PIK3CB: variants seen among roughly 807,000 people sequenced by gnomAD.
The protein encoded by PIK3CB is phosphatidylinositol-4,5-bisphosphate 3-kinase catalytic subunit beta.
In PIK3CB, 39 loss-of-function variants were observed where a neutral mutation model predicts 136.8. That is an observed-to-expected ratio of 0.29 (90% CI 0.22 to 0.37). PIK3CB has a LOEUF of 0.37. Ranked by LOEUF, PIK3CB falls within the 10% of genes least tolerant of loss-of-function variation. PIK3CB has a pLI of 1.00. For synonymous variants in PIK3CB, 428 were observed against 436.6 expected (o/e 0.98, Z 0.25); for missense variants, 868 against 1,275.4 (o/e 0.68, Z 4.87).
At chr3:138,706,750 C>T (rs552200821) in intron 11 of PIK3CB, among the ~76,000 whole-genome samples, 234 of 152,264 alleles carry the variant, frequency 1.5e-3, no homozygotes, top group Non-Finnish European at 2.7e-3. Flanking sequence ...CTCCGCCTCC[C>T]GGGTTCAAGC....
chr3:138,717,978 T>C (rs987188536), intron 8 of PIK3CB, among the ~76,000 whole-genome samples: 5 of 152,232 alleles, frequency 3.3e-5, no homozygotes, highest in Non-Finnish European at 5.9e-5. Context: ...CAATTGTGAA[T>C]AGTGCTGCAA....
At chr3:138,695,475 G>A (rs770964232) in intron 13 of PIK3CB, among the ~76,000 whole-genome samples, 1 of 151,986 alleles carries the variant, frequency 6.6e-6, no homozygotes, top group Non-Finnish European at 1.5e-5. Flanking sequence ...AATAAAAACC[G>A]TTTATATTTT....
At chr3:138,700,692 A>AAGATAGATAGAT (rs56054471) in intron 12 of PIK3CB, among the ~76,000 whole-genome samples, 94 of 143,994 alleles carry the variant, frequency 6.5e-4, no homozygotes, top group East Asian at 1.0e-3. Flanking sequence ...TGACTCTAAA[A>AAGATAGATAGAT]AGATAGATAG....
intron 18 of PIK3CB, 62 bp downstream of exon 18, chr3:138,683,614 TAA>T: frequency 1.1e-6 from 1 of 902,336 alleles, no homozygotes; most frequent in Admixed American, 1.7e-5. Flanking sequence ...ACCTTTCAGA[TAA>T]AGCAAAATGG....
intron 1 of PIK3CB, chr3:138,825,531 G>T: frequency 4.5e-6 from 3 of 663,974 alleles, no homozygotes; most frequent in Non-Finnish European, 8.1e-6. Flanking sequence ...CTTCTGGTGG[G>T]AACAGTGACA....
At chr3:138,702,434 T>G (rs927443094) in intron 12 of PIK3CB, among the ~76,000 whole-genome samples, 2 of 152,160 alleles carry the variant, frequency 1.3e-5, no homozygotes, top group Non-Finnish European at 2.9e-5. Flanking sequence ...TAAAGGTATA[T>G]CAGACCTGGG....
chr3:138,744,392 C>CAAAAA lies in PIK3CB; in HGVS notation c.398-1616_398-1612dup, dbSNP rs60503033. On this transcript the variant is annotated intron_variant, in intron 4 of 23. Transcript: ENST00000674063. ...ACTGGGTGACAGAGCGAGACTCCCC[C>CAAAAA]AAAAAAAAAAAAAAAAAAAAAAAAA... Among the ~76,000 whole-genome samples the CAAAAA allele has an allele frequency of 5.1e-3, 228 of 45,106 alleles. 101 individuals are homozygous for CAAAAA. The highest frequency in any genetic ancestry group is 0.062 in the Middle Eastern group (2 of 32). 29.6% of individuals were successfully genotyped at this position (45,106 alleles called of 152,430 possible). A position where few individuals can be genotyped will look rare whatever the true frequency, so the allele number is the denominator to read the frequency against.
chr3:138,699,618 GA>G (rs1333879539), intron 12 of PIK3CB, among the ~76,000 whole-genome samples: 2 of 152,092 alleles, frequency 1.3e-5, no homozygotes, highest in Non-Finnish European at 2.9e-5. Flanking sequence ...CAGAAATCCA[GA>G]TTTCTCATCA....
At chr3:138,758,382 G>A (rs979716190) in intron 3 of PIK3CB, among the ~76,000 whole-genome samples, 7 of 152,142 alleles carry the variant, frequency 4.6e-5, no homozygotes, top group African/African-American at 1.7e-4. Context: ...TAAATTCCAG[G>A]TTATGTATAT....
intron 2 of PIK3CB, 89 bp from the exon 3 acceptor site, chr3:138,759,448 C>G: frequency 3.8e-6 from 3 of 790,758 alleles, no homozygotes; most frequent in Middle Eastern, 2.6e-4. Context: ...TACAATTAGT[C>G]CTTAGATTTC....
chr3:138,711,436 G>T (rs1365212117), intron 10 of PIK3CB, among the ~76,000 whole-genome samples: 1 of 151,620 alleles, frequency 6.6e-6, no homozygotes. Context: ...AAAATTAGCT[G>T]GACGTGGTGG....
intron 2 of PIK3CB, among the ~76,000 whole-genome samples, chr3:138,788,964 CAAAAAAAAA>C (rs57432821): frequency 2.2e-5 from 2 of 89,494 alleles, no homozygotes; most frequent in Non-Finnish European, 4.4e-5. Context: ...GACTTCGTCT[CAAAAAAAAA>C]AAAAAAAAAA....
intron 1 of PIK3CB, chr3:138,825,035 T>G (rs1016962431): frequency 4.4e-6 from 1 of 228,678 alleles, no homozygotes; most frequent in African/African-American, 2.3e-5. Context: ...CACTCCAATC[T>G]GGGTGACAGA....
At chr3:138,666,082 A>G (rs1160413155) in intron 19 of PIK3CB, among the ~76,000 whole-genome samples, 1 of 152,252 alleles carries the variant, frequency 6.6e-6, no homozygotes, top group East Asian at 1.9e-4. Flanking sequence ...TAGATTATCA[A>G]TTAAATGTTT....
chr3:138,746,537 T>C (rs2045357937), intron 4 of PIK3CB, among the ~76,000 whole-genome samples: 1 of 152,024 alleles, frequency 6.6e-6, no homozygotes, highest in African/African-American at 2.4e-5. Flanking sequence ...GGCGGGGACC[T>C]GTAGTCCCAG....
At chr3:138,805,957 T>C (rs1199362298) in intron 1 of PIK3CB, among the ~76,000 whole-genome samples, 1 of 151,510 alleles carries the variant, frequency 6.6e-6, no homozygotes, top group Non-Finnish European at 1.5e-5. Context: ...CTCAATCTCC[T>C]GACTTCGTGA....
At chr3:138,802,559 A>AG (rs1559884367) in intron 1 of PIK3CB, among the ~76,000 whole-genome samples, 1 of 151,836 alleles carries the variant, frequency 6.6e-6, no homozygotes, top group Non-Finnish European at 1.5e-5. Context: ...GAAAAAAAAA[A>AG]AGAGAGAAAA....
At chr3:138,692,602 A>C (rs1276909816) in intron 14 of PIK3CB, among the ~76,000 whole-genome samples, 1 of 152,216 alleles carries the variant, frequency 6.6e-6, no homozygotes, top group East Asian at 1.9e-4. Flanking sequence ...TAGGAATAGG[A>C]AGCTGTTTCC....
At chr3:138,746,596 G>C (rs2108683715) in intron 4 of PIK3CB, among the ~76,000 whole-genome samples, 1 of 152,190 alleles carries the variant, frequency 6.6e-6, no homozygotes, top group Admixed American at 6.5e-5. Flanking sequence ...GGGAGGTGGA[G>C]CTTGCAGTGA....
Sources: allele counts gnomAD v4.1 joint callset (sites outside exome capture counted in the v4.1 genomes callset), GRCh38; gene constraint gnomAD v4.1.1; transcripts MANE v1.5; gene names NCBI Gene and HGNC (gene_info 2026-07-23, HGNC 2026-07-21).